Variants in NLRP5 observed in about 807,000 individuals in gnomAD.
NLRP5 encodes the protein NACHT, LRR and PYD domains-containing protein 5.
In NLRP5, 93 loss-of-function variants were observed where a neutral mutation model predicts 113.1. The observed-to-expected ratio is 0.82, with a 90% confidence interval of 0.70 to 0.98. The LOEUF is 0.98. NLRP5 is among the 50% of genes least tolerant of loss of function. The pLI, the probability that NLRP5 is intolerant of heterozygous loss-of-function variation, is 0.00. For missense variants in NLRP5, 1,808 were observed against 1,514.3 expected (o/e 1.19, Z -3.22); for synonymous variants, 751 against 600.7 (o/e 1.25, Z -3.66).
At position 56,007,983 on chromosome 19, in the gene NLRP5, C is replaced by T. The variant is rs942239088; in HGVS notation, c.443-805C>T. Among the ~76,000 whole-genome samples the T allele has an allele frequency of 1.5e-5, 2 of 136,362 alleles. 1 individual carries two copies. Among genetic ancestry groups the T allele is most frequent in the African/African-American group, 5.5e-5 (2 of 36,184 alleles). The allele number at this position is 136,362 out of a possible 152,430, so 89.5% of individuals were successfully genotyped here. A position where few individuals can be genotyped will look rare whatever the true frequency, so the allele number is the denominator to read the frequency against. ...GCCCAGGCTGGGCTGTCGCCCAGTG[C>T]AGTGGCGCGATCTCGGCTCACTGCA... is the stretch of plus-strand genomic sequence containing the variant. On this transcript the variant is annotated intron_variant, in intron 2 of 14. Coordinates refer to ENST00000390649, the MANE Select transcript of NLRP5 (RefSeq NM_153447.4).
chr19:56,045,132 T>C (rs1983675435), intron 11 of NLRP5, among the ~76,000 whole-genome samples: 1 of 152,222 alleles, frequency 6.6e-6, no homozygotes, highest in African/African-American at 2.4e-5. Flanking sequence ...GCTTTCAAGG[T>C]AAACATTCAT....
intron 9 of NLRP5, among the ~76,000 whole-genome samples, chr19:56,036,058 CTTTTTTTTTT>C (rs34956178): frequency 7.8e-5 from 6 of 77,018 alleles, no homozygotes; most frequent in Admixed American, 3.4e-4. Flanking sequence ...AATTGAGATT[CTTTTTTTTTT>C]TTTTTTTTTT....
Position 56,019,344 on chromosome 19 carries a change from A to G in NLRP5, c.568A>G (p.Ile190Val). 9.9e-6 allele frequency: 16 copies of G among 1,614,018 alleles called. No individual in the cohort carries two copies. Among genetic ancestry groups the G allele is most frequent in the Non-Finnish European group, 1.4e-5 (16 of 1,179,884 alleles). The stretch of plus-strand genomic sequence containing the variant: ...TGGAATTCATTCTTCTTTTGCAGAA[A>G]TTTCACAAGCTATGGAACAAGAAGG... The change falls in exon 5 of 15, where the codon ATT (isoleucine) becomes GTT (valine). Residue 190 changes from isoleucine (I) to valine (V), a missense_variant and splice_region_variant. Physicochemically the swap from Ile to Val is conservative, Grantham distance 29. Transcript: ENST00000390649.
At chr19:55,998,705 T>TATATATATAC (rs1981453524), upstream of NLRP5, among the ~76,000 whole-genome samples, 1 of 16,532 alleles carries the variant, frequency 6.0e-5, no homozygotes, top group Admixed American at 5.2e-4. Context: ...TATATATATG[T>TATATATATAC]GTGTGTGTGT....
intron 9 of NLRP5, among the ~76,000 whole-genome samples, chr19:56,034,018 G>A (rs772462283): frequency 7.9e-5 from 12 of 152,192 alleles, no homozygotes; most frequent in South Asian, 2.1e-4. Context: ...GGTCCTCCCC[G>A]CTTGGCCTCC....
chr19:55,997,490 C>T (rs184420796), upstream of NLRP5, among the ~76,000 whole-genome samples: 507 of 152,216 alleles, frequency 3.3e-3, no homozygotes, highest in Non-Finnish European at 5.8e-3. Flanking sequence ...ATTCCCTCCC[C>T]TTCAATTCTC....
Position 56,015,751 on chromosome 19 carries a change from A to G in NLRP5, c.518A>G (p.Gln173Arg). 1 of 1,569,966 alleles carries G rather than the reference A, an allele frequency of 6.4e-7. No individual in the cohort carries two copies. Among genetic ancestry groups the G allele is most frequent in the Non-Finnish European group, 8.7e-7 (1 of 1,155,746 alleles). ...CCCTTCTCTTTTGCAGGAATTTCAC[A>G]AGCTGTGCAACAAGATAGTGCCACA... Residue 173 changes from glutamine (Q) to arginine (R), a missense_variant, in exon 4 of 15, where the codon CAA becomes CGA. Gln to Arg is a conservative substitution (Grantham distance 43). Transcript: ENST00000390649.
chr19:56,053,606 G>A (rs60674753), intron 12 of NLRP5, 32 bp from the exon 13 acceptor site: 98,108 of 1,594,324 alleles, frequency 0.062, 3,940 homozygotes, highest in East Asian at 0.23. Flanking sequence ...CCTCGAGAGA[G>A]GCAGACTCTC....
chr19:56,043,723 C>G (rs1373396290), intron 11 of NLRP5, among the ~76,000 whole-genome samples: 2 of 151,472 alleles, frequency 1.3e-5, no homozygotes, highest in Non-Finnish European at 2.9e-5. Flanking sequence ...CAGGCGCCCA[C>G]CACCACACCC....
intron 10 of NLRP5, among the ~76,000 whole-genome samples, chr19:56,039,172 A>G (rs1277324484): frequency 6.6e-6 from 1 of 152,216 alleles, no homozygotes; most frequent in East Asian, 1.9e-4. Flanking sequence ...ACAGCTTCAG[A>G]AAGGCTGTGT....
intron 12 of NLRP5, among the ~76,000 whole-genome samples, chr19:56,051,192 TTTTG>T (rs150444653): frequency 0.056 from 8,446 of 152,082 alleles, 394 homozygotes; most frequent in African/African-American, 0.13. Context: ...CTTTTTTTCT[TTTTG>T]TTTGTTTGTT....
At chr19:55,999,828 T>C (rs768269924) in intron 1 of NLRP5, 2 of 1,458,808 alleles carry the variant, frequency 1.4e-6, no homozygotes, top group Non-Finnish European at 9.6e-7. Flanking sequence ...AAACCGACCC[T>C]CAGCCTTGGT....
intron 2 of NLRP5, among the ~76,000 whole-genome samples, chr19:56,006,481 C>T (rs1161309202): frequency 6.6e-6 from 1 of 151,982 alleles, no homozygotes; most frequent in African/African-American, 2.4e-5. Flanking sequence ...CCTGTAATCC[C>T]AGCACTCTGG....
intron 13 of NLRP5, among the ~76,000 whole-genome samples, chr19:56,054,623 ACGT>A (rs1364105707): frequency 5.3e-5 from 8 of 151,598 alleles, no homozygotes; most frequent in African/African-American, 1.5e-4. Flanking sequence ...AGCCTTGAAA[ACGT>A]CGTGCTGAGT....
At chr19:55,995,669 T>A (rs935217754), upstream of NLRP5, among the ~76,000 whole-genome samples, 15 of 152,276 alleles carry the variant, frequency 9.9e-5, no homozygotes, top group African/African-American at 3.6e-4. Context: ...AATCTGTAGA[T>A]TGTTTTGGGT....
chr19:56,011,158 A>AATATATAT (rs1555764999), intron 3 of NLRP5, among the ~76,000 whole-genome samples: 3 of 145,216 alleles, frequency 2.1e-5, no homozygotes, highest in African/African-American at 5.0e-5. Flanking sequence ...GTCTTTAAAA[A>AATATATAT]ATATATATAC....
At chr19:56,044,097 T>C (rs1160604897) in intron 11 of NLRP5, among the ~76,000 whole-genome samples, 1 of 149,826 alleles carries the variant, frequency 6.7e-6, no homozygotes, top group African/African-American at 2.5e-5. Flanking sequence ...AGAGTCTTGC[T>C]CTGTCACCCA....
chr19:56,041,125 C>G, intron 11 of NLRP5, 33 bp downstream of exon 11: 2 of 1,606,458 alleles, frequency 1.2e-6, no homozygotes, highest in Non-Finnish European at 1.7e-6. Context: ...CAAGGACTTC[C>G]TAGCTTTCTA....
chr19:56,055,901 CCACCTACAAA>C lies in NLRP5; in HGVS notation c.3299+2097_3299+2106del, dbSNP rs1158595946. On this transcript the variant is annotated intron_variant, in intron 13 of 14. Coordinates refer to ENST00000390649, the MANE Select transcript of NLRP5 (RefSeq NM_153447.4). ...CTTAGCCTTCTGTTCTGGGGTGTGTCCACCTACAAACACTCCAAGCTTCACTGAACCGCAC... is the reference window on the plus strand; with the variant it reads ...CTTAGCCTTCTGTTCTGGGGTGTGTCCACTCCAAGCTTCACTGAACCGCAC... 2.0e-5 allele frequency among the ~76,000 whole-genome samples: 3 copies of C among 152,064 alleles called. No homozygotes were observed. In the East Asian group the frequency reaches 5.8e-4, roughly 29 times the overall value.
Sources: gnomAD v4.1 joint callset for allele counts (sites outside exome capture counted in the v4.1 genomes callset) on GRCh38, gnomAD v4.1.1 for gene constraint, MANE v1.5 for transcripts, NCBI Gene and HGNC (gene_info 2026-07-23, HGNC 2026-07-21) for gene names.